GALNT3: variants seen among roughly 807,000 people sequenced by gnomAD.
GALNT3 encodes the protein GalNAc transferase 3.
A neutral mutation model predicts 69.8 loss-of-function variants in GALNT3; 51 were observed. That is an observed-to-expected ratio of 0.73 (90% CI 0.58 to 0.92). The LOEUF is 0.92. GALNT3 is among the 40% of genes least tolerant of loss of function. GALNT3 has a pLI of 0.00. For missense variants in GALNT3, 711 were observed against 760.0 expected, an observed-to-expected ratio of 0.94 and a Z score of 0.76; for synonymous variants, 265 against 248.5, an observed-to-expected ratio of 1.07 and a Z score of -0.63.
At chr2:165,762,291 C>T (rs947136480) in intron 3 of GALNT3, among the ~76,000 whole-genome samples, 1 of 151,856 alleles carries the variant, frequency 6.6e-6, no homozygotes, top group African/African-American at 2.4e-5. Flanking sequence ...ATTCTGTACA[C>T]TTCCTATCAA....
At chr2:165,756,496 G>T (rs184775787) in intron 7 of GALNT3, among the ~76,000 whole-genome samples, 20 of 152,066 alleles carry the variant, frequency 1.3e-4, no homozygotes, top group Non-Finnish European at 2.8e-4. Flanking sequence ...CTTAAAACAG[G>T]GAAGGAGAGA....
At chr2:165,758,470 T>C (rs1688485576) in intron 6 of GALNT3, 1 of 257,330 alleles carries the variant, frequency 3.9e-6, no homozygotes, top group Admixed American at 5.0e-5. Flanking sequence ...ATTATATTTA[T>C]CTTGGCTGGA....
rs949574825 is a variant in GALNT3, at chr2:165,756,981, G to C, written c.1392+66C>G. On this transcript the variant is annotated intron_variant, in intron 7 of 10. Transcript: ENST00000392701. ...TGATGTTTTGTACTTGAGATGAATC[G>C]ACGCAAAAGGACGTGTGAACTTGTT... 6 of 1,235,048 alleles carry C rather than the reference G, an allele frequency of 4.9e-6. No homozygotes were observed. In the East Asian group the frequency reaches 1.2e-4, roughly 25 times the overall value. The allele number at this position is 1,235,048 out of a possible 1,614,324, so 76.5% of individuals were successfully genotyped here. A position where few individuals can be genotyped will look rare whatever the true frequency, so the allele number is the denominator to read the frequency against.
chr2:165,770,055 G>A, intron 2 of GALNT3, 131 bp downstream of exon 2: 1 of 1,006,744 alleles, frequency 9.9e-7, no homozygotes, highest in South Asian at 1.4e-5. Flanking sequence ...AAATACAACA[G>A]GTTAAATAAA....
intron 1 of GALNT3, among the ~76,000 whole-genome samples, chr2:165,775,133 C>G (rs890489581): frequency 1.3e-5 from 2 of 151,914 alleles, no homozygotes; most frequent in African/African-American, 4.8e-5. Flanking sequence ...CAGTTTAAGA[C>G]CAGCATTTTT....
Position 165,754,958 on chromosome 2 carries a change from C to A in GALNT3, c.1498G>T (p.Asp500Tyr). The change falls in exon 8 of 11, where the codon GAC (aspartate) becomes TAC (tyrosine). Residue 500 changes from aspartate (D) to tyrosine (Y), a missense_variant. By Grantham distance (160) the Asp-to-Tyr change is radical. Coordinates refer to ENST00000392701, the MANE Select transcript of GALNT3 (RefSeq NM_004482.4). ...TATCCAGATATAACAGGATTAAGGT[C>A]TGGCACATACACCTCTGGATAAATG... ...NNIYPEVYVPDLNPVISGYIK... is the reference protein window; with the variant it reads ...NNIYPEVYVPYLNPVISGYIK... The A allele has an allele frequency of 5.0e-6, 8 of 1,613,452 alleles. No homozygotes were observed. The highest frequency in any genetic ancestry group is 5.9e-6 in the Non-Finnish European group (7 of 1,179,580).
rs79651915 is a variant in GALNT3, at chr2:165,755,670, T to A, written c.1393-607A>T. Reference sequence around the variant, plus strand: ...CCTTCATTTTAACGTACTAAGAAAATAACTTTTTTAAAAAACCATTATTAA... The same window carrying A: ...CCTTCATTTTAACGTACTAAGAAAAAAACTTTTTTAAAAAACCATTATTAA... On this transcript the variant is annotated intron_variant, in intron 7 of 10. Coordinates refer to ENST00000392701, the MANE Select transcript of GALNT3 (RefSeq NM_004482.4). Among the ~76,000 whole-genome samples, 85 of 152,304 alleles carry A rather than the reference T, an allele frequency of 5.6e-4. 1 individual carries two copies. In the East Asian group the frequency reaches 0.016, roughly 28 times the overall value.
At chr2:165,758,036 C>A (rs1688476768) in intron 6 of GALNT3, among the ~76,000 whole-genome samples, 1 of 152,106 alleles carries the variant, frequency 6.6e-6, no homozygotes, top group South Asian at 2.1e-4. Context: ...ATGTTCAATT[C>A]AACAAACTGT....
At chr2:165,769,840 C>T (rs1015197966) in intron 2 of GALNT3, among the ~76,000 whole-genome samples, 19 of 152,144 alleles carry the variant, frequency 1.2e-4, no homozygotes, top group African/African-American at 4.6e-4. Context: ...ATTCCTCTAC[C>T]TTCTACTTCC....
chr2:165,766,956 G>GA (rs1444588499), intron 2 of GALNT3, among the ~76,000 whole-genome samples: 1 of 152,166 alleles, frequency 6.6e-6, no homozygotes, highest in Non-Finnish European at 1.5e-5. Context: ...GATTCTGAGT[G>GA]AAAGTGGCAT....
At chr2:165,784,972 G>C (rs990824455) in intron 1 of GALNT3, among the ~76,000 whole-genome samples, 1 of 152,162 alleles carries the variant, frequency 6.6e-6, no homozygotes, top group Non-Finnish European at 1.5e-5. Context: ...CTGCCATTAA[G>C]TATTTACTAT....
At chr2:165,753,637 A>G (rs1335155341) in intron 9 of GALNT3, among the ~76,000 whole-genome samples, 1 of 152,198 alleles carries the variant, frequency 6.6e-6, no homozygotes, top group Non-Finnish European at 1.5e-5. Flanking sequence ...TGAGGGAAAT[A>G]GTCTAATCTT....
At chr2:165,757,450 A>G (rs1464247008) in intron 6 of GALNT3, among the ~76,000 whole-genome samples, 1 of 152,240 alleles carries the variant, frequency 6.6e-6, no homozygotes, top group East Asian at 1.9e-4. Context: ...CACTAAAGAC[A>G]ACAGAAGTGC....
rs1286445474 is a variant in GALNT3, at chr2:165,793,438, G to A, written c.-109+577C>T. On this transcript the variant is annotated intron_variant, in intron 1 of 10. Transcript: ENST00000392701. ...GTGCAGAGTCGAAACAGAGAGAGAG[G>A]GGTGTCCGCGTCCCGGCCACAGAGC... is the stretch of plus-strand genomic sequence containing the variant. 2.0e-5 allele frequency among the ~76,000 whole-genome samples: 3 copies of A among 152,270 alleles called. No individual in the cohort carries two copies. In the East Asian group the frequency reaches 5.8e-4, roughly 29 times the overall value.
chr2:165,767,366 G>C (rs915101772), intron 2 of GALNT3, among the ~76,000 whole-genome samples: 1 of 151,760 alleles, frequency 6.6e-6, no homozygotes, highest in African/African-American at 2.4e-5. Context: ...TTTGCTATGT[G>C]GTTAATTAAT....
chr2:165,751,029 T>C (rs756682073), intron 9 of GALNT3, among the ~76,000 whole-genome samples: 2 of 152,188 alleles, frequency 1.3e-5, no homozygotes, highest in African/African-American at 2.4e-5. Flanking sequence ...AGATAACTTT[T>C]CTAGCACTCT....
At chr2:165,780,641 GT>G (rs773206913) in intron 1 of GALNT3, among the ~76,000 whole-genome samples, 150 of 103,688 alleles carry the variant, frequency 1.4e-3, no homozygotes, top group African/African-American at 4.8e-3. Flanking sequence ...GGTTTGAGGG[GT>G]TTTTTTGTTG....
intron 3 of GALNT3, 116 bp downstream of exon 3, chr2:165,764,768 C>A: frequency 9.5e-7 from 1 of 1,049,778 alleles, no homozygotes; most frequent in Non-Finnish European, 1.5e-6. Context: ...ACCCACTATC[C>A]AAACTATTAT....
In GALNT3 at chr2:165,759,565, A is replaced by G; in HGVS notation, c.844T>C (p.Cys282Arg). ...TLTFLDAHCE[C>R]FYGWLEPLLA... ...AGAGGTTCTAGCCAACCATAGAAAC[A>G]CTCACCTGGAGGGAACAGAATTTTA... Residue 282 changes from cysteine (C) to arginine (R), a missense_variant, in exon 5 of 11, where the codon TGT (cysteine) becomes CGT (arginine). Transcript: ENST00000392701. The G allele has an allele frequency of 6.2e-7, 1 of 1,611,754 alleles. No individual in the cohort carries two copies.
Sources: gnomAD v4.1 joint callset for allele counts (sites outside exome capture counted in the v4.1 genomes callset) on GRCh38, gnomAD v4.1.1 for gene constraint, MANE v1.5 for transcripts, NCBI Gene and HGNC (gene_info 2026-07-23, HGNC 2026-07-21) for gene names.